The following PRR33 variants were observed in gnomAD, a reference collection of about 807,000 sequenced individuals.
PRR33 encodes the protein proline rich 33, also known as proline-rich protein 33.
A neutral mutation model predicts 0.5 loss-of-function variants in PRR33; 1 was observed. The observed-to-expected ratio is 2.18, with a 90% CI of 0.77 to 10.34. The LOEUF is 10.34. Ranked by LOEUF, PRR33 falls within the 30% of genes most tolerant of loss-of-function variation. The pLI is 0.13. For synonymous variants in PRR33, 226 were observed against 110.0 expected, an observed-to-expected ratio of 2.06 and a Z score of -6.60; for missense variants, 552 against 251.8, an observed-to-expected ratio of 2.19 and a Z score of -8.07.
At chr11:1,893,746 G>C (rs1849083235), upstream of PRR33, among the ~76,000 whole-genome samples, 1 of 151,304 alleles carries the variant, frequency 6.6e-6, no homozygotes, top group Non-Finnish European at 1.5e-5. Context: ...TAGATGGATG[G>C]ATGGATGAAG....
the PRR33 span, among the ~76,000 whole-genome samples, chr11:1,896,998 G>C: frequency 6.6e-6 from 1 of 152,216 alleles, no homozygotes; most frequent in African/African-American, 2.4e-5. Flanking sequence ...TGGTGCTGCC[G>C]TGTGGCTGAA....
chr11:1,898,220 G>A, the PRR33 span, among the ~76,000 whole-genome samples: 3 of 151,884 alleles, frequency 2.0e-5, no homozygotes, highest in South Asian at 2.1e-4. Context: ...CTGTTCCAGA[G>A]CCAATTACGA....
At chr11:1,894,853 C>T (rs1447518322), upstream of PRR33, among the ~76,000 whole-genome samples, 1 of 152,068 alleles carries the variant, frequency 6.6e-6, no homozygotes, top group East Asian at 1.9e-4. Context: ...GACTAGATGC[C>T]GTGGGAGGTG....
the PRR33 span, among the ~76,000 whole-genome samples, chr11:1,916,182 C>T: frequency 6.6e-6 from 1 of 152,036 alleles, no homozygotes; most frequent in African/African-American, 2.4e-5. Context: ...CCCTCCTCTC[C>T]CAGGTCTTGC....
chr11:1,917,200 G>A, the PRR33 span, among the ~76,000 whole-genome samples: 4 of 152,204 alleles, frequency 2.6e-5, no homozygotes, highest in South Asian at 8.3e-4. Flanking sequence ...GCTGGATCCA[G>A]CCTGGGGGCT....
chr11:1,909,891 G>A, the PRR33 span, among the ~76,000 whole-genome samples: 3,870 of 152,300 alleles, frequency 0.025, 74 homozygotes, highest in Non-Finnish European at 0.037. Context: ...TGGCAGGGAC[G>A]TTTCATCATA....
upstream of PRR33, among the ~76,000 whole-genome samples, chr11:1,894,080 T>C (rs200909913): frequency 0.014 from 57 of 4,136 alleles, no homozygotes; most frequent in South Asian, 0.02. Context: ...GTGTGTGTGA[T>C]AGGGCCTCAC....
chr11:1,890,437 T>A, exon 1 of PRR33: 2 of 717,200 alleles, frequency 2.8e-6, no homozygotes, highest in Non-Finnish European at 5.2e-6. Context: ...CCTCCCATCA[T>A]CTTCTTCCGG....
At chr11:1,901,515 AAT>A in the PRR33 span, among the ~76,000 whole-genome samples, 1 of 152,224 alleles carries the variant, frequency 6.6e-6, no homozygotes, top group South Asian at 2.1e-4. Context: ...CCAGCTTTCA[AAT>A]AGTTTTCTTT....
At chr11:1,891,052 G>C (rs979411354) in exon 1 of PRR33, 3 of 160,320 alleles carry the variant, frequency 1.9e-5, no homozygotes, top group African/African-American at 7.2e-5. Flanking sequence ...GGGGCGCCCT[G>C]TTGTCGCCGG....
chr11:1,899,265 T>C, the PRR33 span, among the ~76,000 whole-genome samples: 1 of 152,158 alleles, frequency 6.6e-6, no homozygotes, highest in Non-Finnish European at 1.5e-5. Context: ...CCAATGGGGC[T>C]GCAGTTGCTG....
chr11:1,895,154 T>C (rs1849109972), upstream of PRR33, among the ~76,000 whole-genome samples: 1 of 151,950 alleles, frequency 6.6e-6, no homozygotes, highest in African/African-American at 2.4e-5. Flanking sequence ...TTTTTTGAGA[T>C]GGAGTTTTGC....
chr11:1,898,135 CA>C, the PRR33 span, among the ~76,000 whole-genome samples: 1 of 152,206 alleles, frequency 6.6e-6, no homozygotes, highest in African/African-American at 2.4e-5. Flanking sequence ...GGATCCAGAG[CA>C]AGTCTATCAT....
the PRR33 span, among the ~76,000 whole-genome samples, chr11:1,915,525 A>T: frequency 1.5e-5 from 1 of 66,896 alleles, no homozygotes; most frequent in African/African-American, 6.6e-5. Flanking sequence ...CACACCTGGG[A>T]TGTTTCTGTG....
At chr11:1,903,530 TC>T in the PRR33 span, among the ~76,000 whole-genome samples, 2 of 152,238 alleles carry the variant, frequency 1.3e-5, no homozygotes, top group Admixed American at 6.5e-5. Flanking sequence ...TCAATTGGCA[TC>T]CCTGATGAGG....
chr11:1,898,534 A>G, the PRR33 span, among the ~76,000 whole-genome samples: 2 of 150,916 alleles, frequency 1.3e-5, no homozygotes, highest in Non-Finnish European at 2.9e-5. Flanking sequence ...CACGCCCAGC[A>G]GAGGGATACA....
At chr11:1,915,212 GTC>G in the PRR33 span, among the ~76,000 whole-genome samples, 2 of 150,010 alleles carry the variant, frequency 1.3e-5, no homozygotes, top group African/African-American at 2.5e-5. Flanking sequence ...GTGTGTGTGT[GTC>G]TTGTGGGGTG....
exon 1 of PRR33, chr11:1,889,859 A>C (rs1002859192): frequency 1.6e-6 from 1 of 631,890 alleles, no homozygotes; most frequent in African/African-American, 1.8e-5. Context: ...GGGGCTCCTC[A>C]GGCAAGGGAC....
At chr11:1,905,175 G>A in the PRR33 span, among the ~76,000 whole-genome samples, 109 of 132,142 alleles carry the variant, frequency 8.2e-4, no homozygotes, top group Non-Finnish European at 7.7e-4. Flanking sequence ...CACCCAGGCT[G>A]GAGTGCAGTG....
Sources: allele counts gnomAD v4.1 joint callset (sites outside exome capture counted in the v4.1 genomes callset), GRCh38; gene constraint gnomAD v4.1.1; transcripts MANE v1.5; gene names NCBI Gene and HGNC (gene_info 2026-07-23, HGNC 2026-07-21).